The following PTPRS variants were observed in gnomAD, a reference collection of about 807,000 sequenced individuals.
PTPRS encodes protein tyrosine phosphatase receptor type S, also known as receptor-type tyrosine-protein phosphatase S.
Under a neutral mutation model 215.3 loss-of-function variants are expected in PTPRS, and 63 were observed. The ratio of observed to expected loss-of-function variants is 0.29; its 90% CI spans 0.24 to 0.36. The LOEUF is 0.36. Among genes scored for constraint, PTPRS ranks in the 10% least tolerant of loss-of-function variants. The probability of loss-of-function intolerance (pLI) is 1.00; values close to 1 mark genes in which losing one functional copy is unlikely to be tolerated. For missense variants in PTPRS, 2,258 were observed against 2,825.8 expected, an observed-to-expected ratio of 0.80 and a Z score of 4.56; for synonymous variants, 1,404 against 1,191.4, an observed-to-expected ratio of 1.18 and a Z score of -3.68.
chr19:5,211,087 C>G (rs1265254801), intron 33 of PTPRS, among the ~76,000 whole-genome samples: 2 of 152,374 alleles, frequency 1.3e-5, no homozygotes, highest in East Asian at 3.9e-4. Flanking sequence ...TCAAGGGCCA[C>G]TGCCCTACTT....
At position 5,211,583 on chromosome 19, in the gene PTPRS, C is replaced by T. The variant is rs1165999039; in HGVS notation, c.5234+7G>A. On this transcript the variant is annotated splice_region_variant and intron_variant, in intron 33 of 37. Coordinates refer to ENST00000262963, the MANE Select transcript of PTPRS (RefSeq NM_002850.4). Reference sequence around the variant, plus strand: ...GGGCCCTGAGGTGGGAAAGGCATGGCACCTACCTGTAGCCATCAATGAAGC... The same window carrying T: ...GGGCCCTGAGGTGGGAAAGGCATGGTACCTACCTGTAGCCATCAATGAAGC... 1.2e-6 allele frequency: 2 copies of T among 1,602,718 alleles called. No homozygotes were observed. The highest frequency in any genetic ancestry group is 3.3e-5 in the Admixed American group (2 of 59,836).
chr19:5,305,970 A>AAAAAAAAG (rs2049479386), intron 1 of PTPRS, among the ~76,000 whole-genome samples: 2 of 140,384 alleles, frequency 1.4e-5, no homozygotes, highest in African/African-American at 2.5e-5. Context: ...AAAAAAAAAA[A>AAAAAAAAG]GGGCGAATTC....
rs957748517 is a variant in PTPRS at position 5,287,692 on chromosome 19, C to A, written c.-94-1458G>T. 5.9e-5 allele frequency among the ~76,000 whole-genome samples: 9 copies of A among 152,226 alleles called. No individual in the cohort carries two copies. Among genetic ancestry groups the A allele is most frequent in the African/African-American group, 2.2e-4 (9 of 41,562 alleles). ...GCGGTCACCTCGCCCAGCCCTGGGGCGGTCCCAGGGGAAGGATGGGCGGGT... is the reference window on the plus strand; with the variant it reads ...GCGGTCACCTCGCCCAGCCCTGGGGAGGTCCCAGGGGAAGGATGGGCGGGT... On this transcript the variant is annotated intron_variant, in intron 1 of 37. Coordinates refer to ENST00000262963, the MANE Select transcript of PTPRS (RefSeq NM_002850.4). The surrounding 1 kb of genome is among the most constrained non-coding windows in gnomAD (Gnocchi z 4.8).
At chr19:5,273,140 T>C in intron 4 of PTPRS, 1 of 394,846 alleles carries the variant, frequency 2.5e-6, no homozygotes, top group Non-Finnish European at 4.7e-6. Context: ...GCACATCAAT[T>C]ACCTTTCTCG....
chr19:5,277,099 G>A (rs1484508875), intron 2 of PTPRS, among the ~76,000 whole-genome samples: 15 of 142,418 alleles, frequency 1.1e-4, no homozygotes, highest in African/African-American at 3.4e-4. Context: ...TCGCTCTGTC[G>A]CCCAGGCTGG....
rs1261213334 is a variant in PTPRS, at chr19:5,221,083, G to C, written c.3372C>G (p.Gly1124=). 4.3e-6 allele frequency: 7 copies of C among 1,613,878 alleles called. No homozygotes were observed. Among genetic ancestry groups the C allele is most frequent in the Non-Finnish European group, 5.9e-6 (7 of 1,180,012 alleles). Residue 1124 remains glycine, a synonymous_variant, in exon 20 of 38, where the codon GGC becomes GGG. Transcript: ENST00000262963. ...CAGGCTTGGGGGCGACGCTGGGCTT[G>C]CCGTTGAGCAGGTTGAAGGCAGTCC... ...TAWTAFNLLN[G]KPSVAPKPDA...
At chr19:5,260,908 G>T in intron 6 of PTPRS, 86 bp from the exon 7 acceptor site, 1 of 1,487,236 alleles carries the variant, frequency 6.7e-7, no homozygotes, top group Non-Finnish European at 9.3e-7. Flanking sequence ...GGGCTGGGCC[G>T]TAAGCCAGGC....
rs1295173495 is a variant in PTPRS, at chr19:5,286,165, G to A, written c.-25C>T. The A allele has an allele frequency of 1.1e-5, 18 of 1,610,756 alleles. No homozygotes were observed. Among genetic ancestry groups the A allele is most frequent in the Middle Eastern group, 3.3e-4 (2 of 6,078 alleles). On this transcript the variant is annotated 5_prime_UTR_variant, in exon 2 of 38. Coordinates refer to ENST00000262963, the MANE Select transcript of PTPRS (RefSeq NM_002850.4). ...TGCTTGGCAGCGACCTCCGATCTCC[G>A]CCCTGGAGGGGGATGGCCCCCCGGT...
chr19:5,257,963 G>C lies in PTPRS; in HGVS notation c.706+54C>G. 2 of 1,477,366 alleles carry C rather than the reference G, an allele frequency of 1.4e-6. No individual in the cohort carries two copies. Among genetic ancestry groups the C allele is most frequent in the Admixed American group, 1.7e-5 (1 of 58,428 alleles). 91.5% of individuals were successfully genotyped at this position (1,477,366 alleles called of 1,614,324 possible). A position where few individuals can be genotyped will look rare whatever the true frequency, so the allele number is the denominator to read the frequency against. On this transcript the variant is annotated intron_variant, in intron 8 of 37. Coordinates refer to ENST00000262963, the MANE Select transcript of PTPRS (RefSeq NM_002850.4). This position sits in a 1 kb window ranked among gnomAD's most constrained non-coding sequence, Gnocchi z 4.4. ...CGGAGGCGGTGAGCCCGAGGAGGGA[G>C]GGGGATGGGACGGGGCGGGTCCCTG...
chr19:5,243,998 C>G lies in PTPRS; in HGVS notation c.1473G>C (p.Leu491=). The G allele has an allele frequency of 6.5e-7, 1 of 1,548,474 alleles. No individual in the cohort carries two copies. ...GCACGGTGTAGGTCTCGTCCTCCAG[C>G]AGGCTGCCCACGGTGGTCAGCAGGC... ...DDSLLTTVGS[L]LEDETYTVRV... is the part of the protein sequence containing the mutation. Residue 491 remains leucine (L), a synonymous_variant, in exon 11 of 38, where the codon CTG becomes CTC. Coordinates refer to ENST00000262963, the MANE Select transcript of PTPRS (RefSeq NM_002850.4).
At chr19:5,303,587 G>A (rs535136971) in intron 1 of PTPRS, among the ~76,000 whole-genome samples, 7 of 152,016 alleles carry the variant, frequency 4.6e-5, no homozygotes, top group Non-Finnish European at 1.0e-4. Context: ...AAAAGAGAGG[G>A]GGACTGGTGC....
At chr19:5,227,720 T>C (rs1312929067) in intron 16 of PTPRS, among the ~76,000 whole-genome samples, 1 of 152,132 alleles carries the variant, frequency 6.6e-6, no homozygotes, top group Non-Finnish European at 1.5e-5. Flanking sequence ...GATGTGTGTT[T>C]TGTTCCGATT....
intron 28 of PTPRS, 119 bp from the exon 29 acceptor site, chr19:5,214,855 C>G: frequency 9.4e-7 from 1 of 1,058,934 alleles, no homozygotes. Flanking sequence ...CCAAGGTGAC[C>G]ATGGGACGTG....
intron 17 of PTPRS, 79 bp downstream of exon 17, chr19:5,225,648 C>G: frequency 7.9e-7 from 1 of 1,261,004 alleles, no homozygotes; most frequent in Non-Finnish European, 1.2e-6. Context: ...CTTGTGAGCT[C>G]AAGGACTCTG....
chr19:5,234,980 G>A (rs1345734399), intron 13 of PTPRS, among the ~76,000 whole-genome samples: 4 of 143,282 alleles, frequency 2.8e-5, no homozygotes, highest in Non-Finnish European at 4.5e-5. Flanking sequence ...TTGCTCTGTC[G>A]CCCAGGCTGG....
rs371883888 is a variant in PTPRS at position 5,286,072 on chromosome 19, G to A, written c.69C>T (p.Leu23=). The A allele has an allele frequency of 3.5e-5, 57 of 1,613,824 alleles. 1 individual carries two copies. The African/African-American group carries it at 6.0e-4, about 17-fold the overall frequency. ...VGPMGLLVVL[L]VGGCAAEEPP... is the part of the protein sequence containing the mutation. ...TACCTTCTGCTGCACAGCCTCCAAC[G>A]AGCAGGACCACAAGGAGGCCCATGG... The change falls in exon 2 of 38, where the codon CTC becomes CTT. Residue 23 remains leucine, a synonymous_variant. Coordinates refer to ENST00000262963, the MANE Select transcript of PTPRS (RefSeq NM_002850.4).
chr19:5,215,160 G>T, intron 28 of PTPRS, 129 bp downstream of exon 28: 1 of 1,213,666 alleles, frequency 8.2e-7, no homozygotes, highest in Non-Finnish European at 1.2e-6. Context: ...GATGCCCAGT[G>T]GCCTCCAGTT....
chr19:5,262,958 A>G lies in PTPRS; in HGVS notation c.577+6T>C, dbSNP rs2046118828. On this transcript the variant is annotated splice_donor_region_variant and intron_variant, in intron 6 of 37. Transcript: ENST00000262963. ...GTTGTTGACGTGGTGATGAAATCAG[A>G]CTTACCAAAGGTTTCTGAACGTTTA... is the stretch of plus-strand genomic sequence containing the variant. The G allele has an allele frequency of 6.3e-7, 1 of 1,587,352 alleles. No individual in the cohort carries two copies. The highest frequency in any genetic ancestry group is 8.6e-7 in the Non-Finnish European group (1 of 1,165,094).
At chr19:5,288,664 G>C (rs2048562311) in intron 1 of PTPRS, among the ~76,000 whole-genome samples, 1 of 152,214 alleles carries the variant, frequency 6.6e-6, no homozygotes, top group African/African-American at 2.4e-5. Context: ...CAGGCCTGCA[G>C]AGAGCCTCTG....
Sources: gnomAD v4.1 joint callset for allele counts (sites outside exome capture counted in the v4.1 genomes callset) on GRCh38, gnomAD v4.1.1 for gene constraint, Gnocchi (gnomAD v3.1) non-coding constraint, MANE v1.5 for transcripts, NCBI Gene and HGNC (gene_info 2026-07-23, HGNC 2026-07-21) for gene names.